Variants in CEP170 observed in about 807,000 individuals in gnomAD.
CEP170 encodes the protein centrosomal protein of 170 kDa.
Under a neutral mutation model 151.9 loss-of-function variants are expected in CEP170, and 21 were observed. The ratio of observed to expected loss-of-function variants is 0.14; its 90% CI spans 0.10 to 0.20. The LOEUF is 0.20. Ranked by LOEUF, CEP170 falls within the 10% of genes least tolerant of loss-of-function variation. The probability of loss-of-function intolerance (pLI) is 1.00; values close to 1 mark genes in which losing one functional copy is unlikely to be tolerated. For missense variants in CEP170, 964 were observed against 1,892.9 expected (o/e 0.51, Z 9.11); for synonymous variants, 356 against 648.8 (o/e 0.55, Z 6.86).
At chr1:243,222,955 A>C (rs2062944876) in intron 2 of CEP170, among the ~76,000 whole-genome samples, 1 of 152,176 alleles carries the variant, frequency 6.6e-6, no homozygotes, top group Non-Finnish European at 1.5e-5. Context: ...ATTTAAAAAA[A>C]CTCCTGCATT....
intron 1 of CEP170, among the ~76,000 whole-genome samples, chr1:243,227,967 C>A (rs2063440053): frequency 1.3e-5 from 2 of 152,110 alleles, no homozygotes; most frequent in Non-Finnish European, 2.9e-5. Flanking sequence ...CTTAGGCTAG[C>A]TATTTATCCC....
chr1:243,207,322 G>A (rs1356039603), intron 4 of CEP170, among the ~76,000 whole-genome samples: 1 of 151,804 alleles, frequency 6.6e-6, no homozygotes, highest in Admixed American at 6.6e-5. Flanking sequence ...GATAGAGGGG[G>A]ATAATTCATC....
intron 1 of CEP170, among the ~76,000 whole-genome samples, chr1:243,238,062 G>T (rs1040424461): frequency 9.2e-5 from 14 of 152,106 alleles, no homozygotes; most frequent in African/African-American, 3.4e-4. Context: ...AAGTGATTAG[G>T]TTTATCTTTA....
Position 243,201,268 on chromosome 1 carries a change from A to C in CEP170, c.275-433T>G, listed in dbSNP as rs549120758. Among the ~76,000 whole-genome samples the C allele has an allele frequency of 5.3e-5, 8 of 152,206 alleles. No individual in the cohort carries two copies. In the East Asian group the frequency reaches 1.4e-3, roughly 26 times the overall value. On this transcript the variant is annotated intron_variant, in intron 4 of 19. Transcript: ENST00000366542. Reference sequence around the variant, plus strand: ...AGAATTTGATTACTCAAACTTCATAAGCATTGATAAAAATGAAGTTCATTT... The same window carrying C: ...AGAATTTGATTACTCAAACTTCATACGCATTGATAAAAATGAAGTTCATTT...
At chr1:243,135,546 G>T (rs1229643184) in intron 17 of CEP170, among the ~76,000 whole-genome samples, 4 of 152,068 alleles carry the variant, frequency 2.6e-5, no homozygotes, top group Admixed American at 2.6e-4. Context: ...AAGATAAAAA[G>T]AAAGCTCTTT....
chr1:243,160,698 T>TA (rs963958386), intron 13 of CEP170, among the ~76,000 whole-genome samples: 6 of 152,216 alleles, frequency 3.9e-5, no homozygotes, highest in African/African-American at 1.4e-4. Flanking sequence ...AATGTATATT[T>TA]ATGAGCATTC....
chr1:243,248,931 C>A (rs778611996), intron 1 of CEP170, among the ~76,000 whole-genome samples: 2 of 152,150 alleles, frequency 1.3e-5, no homozygotes, highest in Non-Finnish European at 2.9e-5. Flanking sequence ...AACCACCGCA[C>A]CTGAGTAGAA....
intron 1 of CEP170, among the ~76,000 whole-genome samples, chr1:243,234,464 G>T (rs561064069): frequency 6.6e-6 from 1 of 151,996 alleles, no homozygotes; most frequent in African/African-American, 2.4e-5. Context: ...AACAAAGGGG[G>T]GTTAAAAGTG....
At chr1:243,164,080 T>G (rs2058268525) in intron 13 of CEP170, among the ~76,000 whole-genome samples, 1 of 152,186 alleles carries the variant, frequency 6.6e-6, no homozygotes, top group African/African-American at 2.4e-5. Flanking sequence ...ATTGGAAGTA[T>G]GTATAACTTC....
intron 4 of CEP170, among the ~76,000 whole-genome samples, chr1:243,202,748 C>T (rs376013356): frequency 1.3e-3 from 202 of 151,874 alleles, no homozygotes; most frequent in African/African-American, 4.5e-3. Flanking sequence ...TTGTTTTATC[C>T]GCAAAAAACT....
chr1:243,199,910 A>G (rs2060913455), intron 6 of CEP170, among the ~76,000 whole-genome samples: 1 of 151,936 alleles, frequency 6.6e-6, no homozygotes, highest in Non-Finnish European at 1.5e-5. Context: ...GCAGAAGAAA[A>G]TGCAGACAAA....
intron 1 of CEP170, among the ~76,000 whole-genome samples, chr1:243,237,025 A>T (rs528869503): frequency 6.6e-6 from 1 of 152,190 alleles, no homozygotes; most frequent in Non-Finnish European, 1.5e-5. Context: ...AATCATTTCC[A>T]TTGCATTATC....
At chr1:243,134,920 C>T (rs1243236606) in intron 17 of CEP170, among the ~76,000 whole-genome samples, 1 of 151,912 alleles carries the variant, frequency 6.6e-6, no homozygotes, top group Non-Finnish European at 1.5e-5. Context: ...GATCAAGGTA[C>T]AAAAGTAGAT....
intron 3 of CEP170, among the ~76,000 whole-genome samples, chr1:243,213,411 T>G (rs192113654): frequency 1.1e-3 from 162 of 152,296 alleles, no homozygotes; most frequent in African/African-American, 3.6e-3. Context: ...ATTTCTGATT[T>G]AACATTCATA....
At chr1:243,191,714 C>G (rs539660185) in intron 7 of CEP170, among the ~76,000 whole-genome samples, 1 of 152,092 alleles carries the variant, frequency 6.6e-6, no homozygotes, top group African/African-American at 2.4e-5. Flanking sequence ...GGAAGATAAG[C>G]AGCAGCAATG....
chr1:243,216,821 T>G (rs934290416), intron 3 of CEP170, among the ~76,000 whole-genome samples: 1 of 152,208 alleles, frequency 6.6e-6, no homozygotes, highest in Non-Finnish European at 1.5e-5. Flanking sequence ...ATTCAAAGGC[T>G]TCAGAGACTT....
At chr1:243,172,035 G>C (rs560504725) in intron 11 of CEP170, among the ~76,000 whole-genome samples, 1 of 152,066 alleles carries the variant, frequency 6.6e-6, no homozygotes, top group African/African-American at 2.4e-5. Context: ...CAGTGCCCTC[G>C]TACATGTTTC....
At chr1:243,232,159 T>A (rs1409152537) in intron 1 of CEP170, among the ~76,000 whole-genome samples, 2 of 152,014 alleles carry the variant, frequency 1.3e-5, no homozygotes, top group African/African-American at 4.8e-5. Context: ...GAGATGGGGT[T>A]TTGCCATGTT....
chr1:243,214,159 AG>A (rs1380805037), intron 3 of CEP170, among the ~76,000 whole-genome samples: 1 of 152,218 alleles, frequency 6.6e-6, no homozygotes, highest in Non-Finnish European at 1.5e-5. Flanking sequence ...GAGATGATGT[AG>A]ACATAAAATT....
Sources: gnomAD v4.1 joint callset for allele counts (sites outside exome capture counted in the v4.1 genomes callset) on GRCh38, gnomAD v4.1.1 for gene constraint, MANE v1.5 for transcripts, NCBI Gene and HGNC (gene_info 2026-07-23, HGNC 2026-07-21) for gene names.